Variants in C12orf60 observed in about 807,000 individuals in gnomAD.
C12orf60 encodes uncharacterized protein C12orf60.
For missense variants in C12orf60, 284 were observed against 283.2 expected (o/e 1.00, Z -0.02); for synonymous variants, 102 against 94.6 (o/e 1.08, Z -0.45).
chr12:14,823,700 T>C lies in C12orf60; in HGVS notation c.*27T>C, dbSNP rs1304603270. On this transcript the variant is annotated 3_prime_UTR_variant, in exon 2 of 2. Coordinates refer to ENST00000330828, the MANE Select transcript of C12orf60 (RefSeq NM_175874.4). ...GATGCAACAGAAATGTTCATTTCTG[T>C]CAGAAAACTACTTAAAATCTTATGG... is the stretch of plus-strand genomic sequence containing the variant. The C allele has an allele frequency of 6.6e-7, 1 of 1,511,308 alleles. No homozygotes were observed. Among genetic ancestry groups the C allele is most frequent in the African/African-American group, 1.4e-5 (1 of 71,640 alleles). 93.6% of individuals were successfully genotyped at this position (1,511,308 alleles called of 1,614,324 possible).
chr12:14,823,170 G>A lies in C12orf60; in HGVS notation c.235G>A (p.Asp79Asn). The A allele has an allele frequency of 6.2e-7, 1 of 1,614,120 alleles. No individual in the cohort carries two copies. The highest frequency in any genetic ancestry group is 8.5e-7 in the Non-Finnish European group (1 of 1,180,010). ...GCAATCTGTAGTGGATGCAAGACAT[G>A]ACAAAATTCAAAAGGAGTCTTTATG... ...EMQSVVDARH[D>N]KIQKESLCSK... Residue 79 changes from aspartate (D) to asparagine (N), a missense_variant, in exon 2 of 2, where the codon GAC (aspartate) becomes AAC (asparagine). Coordinates refer to ENST00000330828, the MANE Select transcript of C12orf60 (RefSeq NM_175874.4).
rs1158989206 is a variant in C12orf60, at chr12:14,823,653, A to T, written c.718A>T (p.Lys240Ter). 1.3e-6 allele frequency: 2 copies of T among 1,569,186 alleles called. No homozygotes were observed. The highest frequency in any genetic ancestry group is 2.7e-5 in the African/African-American group (2 of 72,792). Reference sequence around the variant, plus strand: ...TATGGAAATGAATATTTCTGTGTTTAAGAAAGCCAGTGACAAGTAGGGATG... The same window carrying T: ...TATGGAAATGAATATTTCTGTGTTTTAGAAAGCCAGTGACAAGTAGGGATG... Reference protein sequence around the residue: ...KTMEMNISVFKKASDK With the variant: ...KTMEMNISVF The change falls in exon 2 of 2, where the codon AAG (lysine) becomes TAG (stop). Residue 240 changes from lysine to a stop codon, truncating the protein, a stop_gained. Transcript: ENST00000330828. LOFTEE classifies it high-confidence loss of function.
At chr12:14,813,802 A>G (rs1565419119) in intron 1 of C12orf60, among the ~76,000 whole-genome samples, 1 of 152,210 alleles carries the variant, frequency 6.6e-6, no homozygotes, top group Non-Finnish European at 1.5e-5. Context: ...CTATCCATGT[A>G]AACTTCACAC....
At chr12:14,820,884 T>C (rs533234153) in intron 1 of C12orf60, among the ~76,000 whole-genome samples, 37 of 152,248 alleles carry the variant, frequency 2.4e-4, no homozygotes, top group African/African-American at 7.9e-4. Context: ...TGTAGAGATA[T>C]TTGATCTCTC....
At chr12:14,819,199 G>T (rs1030269886) in intron 1 of C12orf60, among the ~76,000 whole-genome samples, 1 of 151,680 alleles carries the variant, frequency 6.6e-6, no homozygotes, top group Non-Finnish European at 1.5e-5. Context: ...CATTTTCTTT[G>T]ATTTTTTTTA....
intron 1 of C12orf60, chr12:14,806,343 A>G (rs965681953): frequency 2.5e-6 from 4 of 1,614,216 alleles, no homozygotes; most frequent in Non-Finnish European, 3.4e-6. Context: ...AACCTTTTGC[A>G]CTATTGCAAT....
At chr12:14,822,783 T>A (rs1189106172) in intron 1 of C12orf60, 129 bp from the exon 2 acceptor site, 2 of 699,428 alleles carry the variant, frequency 2.9e-6, no homozygotes, top group South Asian at 2.6e-5. Flanking sequence ...CATTTTTGTT[T>A]CAACGTATGT....
intron 1 of C12orf60, among the ~76,000 whole-genome samples, 180 bp from the exon 2 acceptor site, chr12:14,822,732 T>C (rs999941002): frequency 1.3e-5 from 2 of 152,216 alleles, no homozygotes; most frequent in Admixed American, 6.5e-5. Context: ...TTCTACCCTG[T>C]TTTAATTATT....
At chr12:14,818,301 G>A (rs765326126) in intron 1 of C12orf60, among the ~76,000 whole-genome samples, 2 of 152,186 alleles carry the variant, frequency 1.3e-5, no homozygotes, top group Non-Finnish European at 1.5e-5. Flanking sequence ...TTCTGTTGCT[G>A]CGCAGAAGCT....
Position 14,822,924 on chromosome 12 carries a change from T to C in C12orf60, c.-12T>C, listed in dbSNP as rs1950327984. On this transcript the variant is annotated 5_prime_UTR_variant, in exon 2 of 2. Transcript: ENST00000330828. ...CTTTGCTTTGCAGTGTTGGAACTTA[T>C]TTGTTGGAGAAATGTCTTCAGAGTC... 1 of 1,551,058 alleles carries C rather than the reference T, an allele frequency of 6.4e-7. No individual in the cohort carries two copies. The highest frequency in any genetic ancestry group is 8.7e-7 in the Non-Finnish European group (1 of 1,149,524).
intron 1 of C12orf60, chr12:14,805,690 G>A (rs1272769323): frequency 4.3e-6 from 1 of 232,462 alleles, no homozygotes; most frequent in African/African-American, 2.3e-5. Context: ...AATTAGAAAA[G>A]AGAAAAGTAA....
chr12:14,803,725 C>G lies in C12orf60; in HGVS notation c.-51C>G, dbSNP rs1047785095. On this transcript the variant is annotated 5_prime_UTR_variant, in exon 1 of 2. Transcript: ENST00000330828. ...ACGGTCCTGTCTCTCGAGTTGGAGGCATCTTGACTTAGTTGCTGGGAGCCT... is the reference window on the plus strand; with the variant it reads ...ACGGTCCTGTCTCTCGAGTTGGAGGGATCTTGACTTAGTTGCTGGGAGCCT... 1.9e-5 allele frequency: 7 copies of G among 377,392 alleles called. No homozygotes were observed. Among genetic ancestry groups the G allele is most frequent in the African/African-American group, 1.5e-4 (7 of 48,198 alleles). The allele number at this position is 377,392 out of a possible 1,614,324, so 23.4% of individuals were successfully genotyped here.
At chr12:14,820,177 G>A (rs1001817981) in intron 1 of C12orf60, among the ~76,000 whole-genome samples, 158 of 151,924 alleles carry the variant, frequency 1.0e-3, no homozygotes, top group African/African-American at 3.7e-3. Flanking sequence ...GTGTTCTCTC[G>A]TTATCCTTTT....
intron 1 of C12orf60, among the ~76,000 whole-genome samples, chr12:14,815,265 C>A (rs575509926): frequency 6.6e-6 from 1 of 152,162 alleles, no homozygotes. Flanking sequence ...TCATCTTGCC[C>A]TTGATGTATC....
At position 14,823,680 on chromosome 12, in the gene C12orf60, A is replaced by G; in HGVS notation, c.*7A>G. ...GAAAGCCAGTGACAAGTAGGGATGC[A>G]ACAGAAATGTTCATTTCTGTCAGAA... On this transcript the variant is annotated 3_prime_UTR_variant, in exon 2 of 2. Transcript: ENST00000330828. The G allele has an allele frequency of 1.3e-6, 2 of 1,536,554 alleles. No homozygotes were observed. Among genetic ancestry groups the G allele is most frequent in the Non-Finnish European group, 1.7e-6 (2 of 1,146,584 alleles).
chr12:14,816,519 C>T (rs1185182245), intron 1 of C12orf60, among the ~76,000 whole-genome samples: 1 of 152,052 alleles, frequency 6.6e-6, no homozygotes, highest in African/African-American at 2.4e-5. Context: ...CTTTCTTCTT[C>T]ACAGTTAGAC....
chr12:14,811,721 A>T (rs1232647565), intron 1 of C12orf60, among the ~76,000 whole-genome samples: 1 of 152,234 alleles, frequency 6.6e-6, no homozygotes, highest in Non-Finnish European at 1.5e-5. Flanking sequence ...CAGAAAAGGA[A>T]CTACCTTACA....
At chr12:14,809,512 A>G (rs936612865) in intron 1 of C12orf60, among the ~76,000 whole-genome samples, 2 of 152,216 alleles carry the variant, frequency 1.3e-5, no homozygotes, top group African/African-American at 4.8e-5. Flanking sequence ...CTGTTTAATA[A>G]TAATAAATTG....
rs555649645 is a variant in C12orf60, at chr12:14,805,914, G to T, written c.-25+2163G>T. ...TATCTTATTTAAGTCCATATTGGAA[G>T]CCTATAGAAAATGAACCTAATCAAA... is the stretch of plus-strand genomic sequence containing the variant. On this transcript the variant is annotated intron_variant, in intron 1 of 1. Transcript: ENST00000330828. The T allele has an allele frequency of 4.3e-5, 54 of 1,267,472 alleles. No individual in the cohort carries two copies. In the African/African-American group the frequency reaches 6.9e-4, roughly 16 times the overall value. 78.5% of individuals were successfully genotyped at this position (1,267,472 alleles called of 1,614,324 possible).
Sources: allele counts gnomAD v4.1 joint callset (sites outside exome capture counted in the v4.1 genomes callset), GRCh38; gene constraint gnomAD v4.1.1; transcripts MANE v1.5; gene names NCBI Gene and HGNC (gene_info 2026-07-23, HGNC 2026-07-21).